Variants in ZCCHC7 observed in about 807,000 individuals in gnomAD.
ZCCHC7 encodes zinc finger CCHC domain-containing protein 7.
Under a neutral mutation model 52.0 loss-of-function variants are expected in ZCCHC7, and 35 were observed. The observed-to-expected ratio is 0.67, with a 90% CI of 0.51 to 0.89. The LOEUF (loss-of-function observed/expected upper bound fraction) is 0.89. Ranked by LOEUF, ZCCHC7 falls within the 40% of genes least tolerant of loss-of-function variation. The pLI, the probability that ZCCHC7 is intolerant of heterozygous loss-of-function variation, is 0.00. For missense variants in ZCCHC7, 574 were observed against 649.1 expected (o/e 0.88, Z 1.26); for synonymous variants, 217 against 221.5 (o/e 0.98, Z 0.18).
intron 6 of ZCCHC7, among the ~76,000 whole-genome samples, chr9:37,339,687 A>G (rs1211650948): frequency 6.6e-5 from 10 of 152,184 alleles, no homozygotes; most frequent in Admixed American, 5.9e-4. Context: ...GGTATTTAAT[A>G]TATTTGCTTT....
At chr9:37,334,806 A>T (rs1269389255) in intron 6 of ZCCHC7, among the ~76,000 whole-genome samples, 1 of 152,078 alleles carries the variant, frequency 6.6e-6, no homozygotes, top group Non-Finnish European at 1.5e-5. Context: ...TTTAGAAAGC[A>T]TTTAACAAAA....
intron 2 of ZCCHC7, among the ~76,000 whole-genome samples, chr9:37,296,881 T>TTGTGTGTGTGTGTGTGTGTGTG (rs56378965): frequency 5.2e-4 from 65 of 124,204 alleles, no homozygotes; most frequent in Non-Finnish European, 8.5e-4. Context: ...CCTGGCTAGT[T>TTGTGTGTGTGTGTGTGTGTGTG]TGTGTGTGTG....
intron 2 of ZCCHC7, among the ~76,000 whole-genome samples, chr9:37,289,890 C>T (rs548816531): frequency 7.9e-5 from 12 of 152,336 alleles, no homozygotes; most frequent in African/African-American, 2.4e-4. Flanking sequence ...GCTGTGCCTA[C>T]TGCCTAGAAT....
intron 5 of ZCCHC7, among the ~76,000 whole-genome samples, chr9:37,308,225 A>G (rs553420425): frequency 4.5e-4 from 69 of 152,320 alleles, no homozygotes; most frequent in African/African-American, 1.7e-3. Flanking sequence ...GTGTTTACCA[A>G]GTCTTAAAAA....
At chr9:37,161,984 G>C (rs1199675341) in intron 2 of ZCCHC7, among the ~76,000 whole-genome samples, 3 of 152,074 alleles carry the variant, frequency 2.0e-5, no homozygotes, top group Non-Finnish European at 4.4e-5. Context: ...TGAAAAAGGA[G>C]GATAATCCAA....
At chr9:37,177,130 A>C (rs1414363165) in intron 2 of ZCCHC7, among the ~76,000 whole-genome samples, 1 of 152,136 alleles carries the variant, frequency 6.6e-6, no homozygotes, top group East Asian at 1.9e-4. Context: ...TCACGAGGTC[A>C]GGAGTTTGAG....
intron 5 of ZCCHC7, among the ~76,000 whole-genome samples, chr9:37,315,100 G>T (rs1433334198): frequency 2.7e-5 from 4 of 149,418 alleles, no homozygotes. Flanking sequence ...AATGCCTGTA[G>T]AATGATTATA....
intron 2 of ZCCHC7, among the ~76,000 whole-genome samples, chr9:37,250,292 T>TTC (rs779228636): frequency 5.3e-5 from 8 of 150,548 alleles, no homozygotes; most frequent in African/African-American, 2.0e-4. Context: ...ATCTCTCTCT[T>TTC]TCTCTCTCTT....
At chr9:37,138,163 T>G (rs922995398) in intron 2 of ZCCHC7, among the ~76,000 whole-genome samples, 60 of 152,230 alleles carry the variant, frequency 3.9e-4, no homozygotes, top group African/African-American at 1.4e-3. Flanking sequence ...ATTTAATTTC[T>G]AATTAGCATA....
chr9:37,151,738 G>T (rs1344943918), intron 2 of ZCCHC7, among the ~76,000 whole-genome samples: 3 of 152,154 alleles, frequency 2.0e-5, no homozygotes, highest in Non-Finnish European at 4.4e-5. Context: ...CTGGGAGGCG[G>T]AGGTTGCAGT....
chr9:37,287,480 A>G (rs1162865232), intron 2 of ZCCHC7, among the ~76,000 whole-genome samples: 1 of 152,174 alleles, frequency 6.6e-6, no homozygotes, highest in Non-Finnish European at 1.5e-5. Context: ...ATTGGTACCT[A>G]TAATAACAAA....
intron 2 of ZCCHC7, among the ~76,000 whole-genome samples, chr9:37,285,719 T>C (rs1240816358): frequency 6.6e-6 from 1 of 152,226 alleles, no homozygotes; most frequent in African/African-American, 2.4e-5. Flanking sequence ...AATTGACTAT[T>C]AAAGATTTTT....
chr9:37,253,366 G>T (rs1466282003), intron 2 of ZCCHC7, among the ~76,000 whole-genome samples: 5 of 151,928 alleles, frequency 3.3e-5, no homozygotes, highest in Non-Finnish European at 5.9e-5. Flanking sequence ...AAAGATTGTA[G>T]TGTCAATGCA....
chr9:37,346,661 C>T (rs1199811997), intron 6 of ZCCHC7, among the ~76,000 whole-genome samples: 2 of 152,030 alleles, frequency 1.3e-5, no homozygotes, highest in African/African-American at 4.8e-5. Flanking sequence ...AGCGACAAAG[C>T]GAGACGCTGT....
chr9:37,296,881 TTGTGTGTG>T lies in ZCCHC7; in HGVS notation c.611-5267_611-5260del, dbSNP rs56378965. ...GCATGCACCACCATACCTGGCTAGT[TTGTGTGTG>T]TGTGTGTGTGTGTGTGTGTGTGTGT... On this transcript the variant is annotated intron_variant, in intron 2 of 8. Coordinates refer to ENST00000336755, the MANE Select transcript of ZCCHC7 (RefSeq NM_032226.3). 6.4e-3 allele frequency among the ~76,000 whole-genome samples: 796 copies of T among 124,186 alleles called. 10 individuals are homozygous for T. Among genetic ancestry groups the T allele is most frequent in the African/African-American group, 0.019 (634 of 33,594 alleles). 81.5% of individuals were successfully genotyped at this position (124,186 alleles called of 152,430 possible).
chr9:37,332,617 T>G (rs1830492733), intron 6 of ZCCHC7, among the ~76,000 whole-genome samples: 1 of 151,508 alleles, frequency 6.6e-6, no homozygotes, highest in South Asian at 2.1e-4. Context: ...GTAAGTCAAC[T>G]GATTTTTTTT....
chr9:37,276,842 C>T (rs1163415715), intron 2 of ZCCHC7, among the ~76,000 whole-genome samples: 1 of 152,024 alleles, frequency 6.6e-6, no homozygotes, highest in African/African-American at 2.4e-5. Context: ...GTATCTTATC[C>T]AGGAAATGAG....
chr9:37,148,846 G>A (rs140003002), intron 2 of ZCCHC7, among the ~76,000 whole-genome samples: 1 of 152,218 alleles, frequency 6.6e-6, no homozygotes, highest in Non-Finnish European at 1.5e-5. Context: ...AATGTAAGTA[G>A]CAAATTTTTT....
At chr9:37,153,732 G>C (rs1039088684) in intron 2 of ZCCHC7, among the ~76,000 whole-genome samples, 1 of 151,344 alleles carries the variant, frequency 6.6e-6, no homozygotes, top group African/African-American at 2.4e-5. Context: ...AGATGCTACC[G>C]CTCATCTTGT....
Sources: allele counts gnomAD v4.1 joint callset (sites outside exome capture counted in the v4.1 genomes callset), GRCh38; gene constraint gnomAD v4.1.1; transcripts MANE v1.5; gene names NCBI Gene and HGNC (gene_info 2026-07-23, HGNC 2026-07-21).